The following AHCYL2 variants were observed in gnomAD, a reference collection of about 807,000 sequenced individuals.
The protein encoded by AHCYL2 is adenosylhomocysteinase like 2, also known as S-adenosylhomocysteine hydrolase-like protein 2.
A neutral mutation model predicts 81.4 loss-of-function variants in AHCYL2; 28 were observed. The ratio of observed to expected loss-of-function variants is 0.34; its 90% CI spans 0.25 to 0.47. AHCYL2 has a LOEUF of 0.47. Ranked by LOEUF, AHCYL2 falls within the 20% of genes least tolerant of loss-of-function variation. The pLI is 1.00. For missense variants in AHCYL2, 551 were observed against 785.1 expected, an observed-to-expected ratio of 0.70 and a Z score of 3.56; for synonymous variants, 272 against 290.2, an observed-to-expected ratio of 0.94 and a Z score of 0.64.
At position 129,379,741 on chromosome 7, in the gene AHCYL2, A is replaced by G; in HGVS notation, c.467A>G (p.Tyr156Cys). Residue 156 changes from tyrosine to cysteine, a missense_variant, in exon 2 of 17, where the codon TAC becomes TGC. By Grantham distance (194) the Tyr-to-Cys change is radical. Coordinates refer to ENST00000325006, the MANE Select transcript of AHCYL2 (RefSeq NM_015328.4). ...RSISQSSTDSYSSAASYTDSS... is the reference protein window; with the variant it reads ...RSISQSSTDSCSSAASYTDSS... The stretch of plus-strand genomic sequence containing the variant: ...ATTTCTCAGTCATCTACTGACAGCT[A>G]CAGCTCAGGTGAGTACTGAACTGCT... The G allele has an allele frequency of 6.2e-7, 1 of 1,613,928 alleles. No individual in the cohort carries two copies. Among genetic ancestry groups the G allele is most frequent in the Non-Finnish European group, 8.5e-7 (1 of 1,179,922 alleles).
chr7:129,329,469 A>G (rs904604154), intron 1 of AHCYL2, among the ~76,000 whole-genome samples: 1 of 152,336 alleles, frequency 6.6e-6, no homozygotes, highest in East Asian at 1.9e-4. Flanking sequence ...GGCATGAGCC[A>G]TGAGCCACCA....
intron 1 of AHCYL2, among the ~76,000 whole-genome samples, chr7:129,356,603 T>G (rs1793743054): frequency 6.6e-6 from 1 of 152,200 alleles, no homozygotes; most frequent in African/African-American, 2.4e-5. Flanking sequence ...GGGCATTATT[T>G]TGTCTACCAC....
chr7:129,244,581 C>T (rs540711447), intron 1 of AHCYL2, among the ~76,000 whole-genome samples: 1 of 152,316 alleles, frequency 6.6e-6, no homozygotes, highest in Non-Finnish European at 1.5e-5. Context: ...TGTGTCCTCA[C>T]TTGGGGGAAG....
intron 1 of AHCYL2, among the ~76,000 whole-genome samples, chr7:129,335,242 A>G (rs1335976073): frequency 6.6e-6 from 1 of 152,050 alleles, no homozygotes; most frequent in Non-Finnish European, 1.5e-5. Flanking sequence ...GCCTGGTGGC[A>G]CATGCCTGTA....
At chr7:129,246,694 A>G (rs1164077691) in intron 1 of AHCYL2, among the ~76,000 whole-genome samples, 2 of 151,966 alleles carry the variant, frequency 1.3e-5, no homozygotes, top group African/African-American at 2.4e-5. Context: ...ATGGGATATC[A>G]TCTTGTTGCC....
intron 1 of AHCYL2, among the ~76,000 whole-genome samples, chr7:129,305,777 G>C (rs1797419605): frequency 6.6e-6 from 1 of 152,176 alleles, no homozygotes; most frequent in Admixed American, 6.5e-5. Flanking sequence ...TATAAGACAG[G>C]TCTGGTGTTG....
intron 1 of AHCYL2, among the ~76,000 whole-genome samples, chr7:129,244,939 T>A (rs1394485992): frequency 6.6e-6 from 1 of 152,172 alleles, no homozygotes. Flanking sequence ...GTATTCCTTA[T>A]TTTAAACAGC....
At chr7:129,379,361 A>G (rs1794841286) in intron 1 of AHCYL2, among the ~76,000 whole-genome samples, 1 of 152,028 alleles carries the variant, frequency 6.6e-6, no homozygotes, top group Non-Finnish European at 1.5e-5. Context: ...TGCCAGACAC[A>G]GTGACACATG....
At chr7:129,315,259 G>A (rs551784587) in intron 1 of AHCYL2, among the ~76,000 whole-genome samples, 15 of 151,796 alleles carry the variant, frequency 9.9e-5, no homozygotes, top group Non-Finnish European at 1.8e-4. Context: ...TTTCTATAAC[G>A]TCTGCTCATT....
intron 1 of AHCYL2, among the ~76,000 whole-genome samples, chr7:129,282,554 T>G (rs1383291831): frequency 6.6e-6 from 1 of 152,186 alleles, no homozygotes; most frequent in African/African-American, 2.4e-5. Context: ...GAAGTTGGAT[T>G]TAGGCCTTAT....
chr7:129,367,416 AC>A (rs1444358413), intron 1 of AHCYL2, among the ~76,000 whole-genome samples: 2 of 152,170 alleles, frequency 1.3e-5, no homozygotes, highest in African/African-American at 4.8e-5. Context: ...AGGCTAGCTT[AC>A]CTTTTTTCTA....
intron 1 of AHCYL2, among the ~76,000 whole-genome samples, chr7:129,266,019 A>G (rs1167947551): frequency 6.6e-6 from 1 of 152,180 alleles, no homozygotes; most frequent in Non-Finnish European, 1.5e-5. Context: ...TAAGTATAAA[A>G]ACAATAGGGA....
At chr7:129,293,137 C>T (rs1447561132) in intron 1 of AHCYL2, among the ~76,000 whole-genome samples, 2 of 70,198 alleles carry the variant, frequency 2.8e-5, no homozygotes, top group African/African-American at 8.8e-5. Context: ...TCAGTGAAGA[C>T]AGAGTTTTTG....
At chr7:129,227,744 G>A (rs1469812914) in intron 1 of AHCYL2, among the ~76,000 whole-genome samples, 1 of 151,232 alleles carries the variant, frequency 6.6e-6, no homozygotes, top group African/African-American at 2.4e-5. Flanking sequence ...AGCACCAAAT[G>A]TATGTTCCAT....
At chr7:129,413,094 A>C (rs945072090) in intron 11 of AHCYL2, among the ~76,000 whole-genome samples, 2 of 150,362 alleles carry the variant, frequency 1.3e-5, no homozygotes, top group Non-Finnish European at 2.9e-5. Context: ...ATTCTGCCTC[A>C]GCCTCCCAAA....
chr7:129,387,906 C>G (rs936324701), intron 2 of AHCYL2, among the ~76,000 whole-genome samples: 2 of 152,134 alleles, frequency 1.3e-5, no homozygotes, highest in Non-Finnish European at 2.9e-5. Context: ...TTCTGAAGCC[C>G]CTGCTGCCCA....
chr7:129,233,551 G>A (rs1201601620), intron 1 of AHCYL2, among the ~76,000 whole-genome samples: 3 of 151,922 alleles, frequency 2.0e-5, no homozygotes, highest in East Asian at 1.9e-4. Flanking sequence ...GCAGTGGCGC[G>A]ATCTCCGCTC....
intron 1 of AHCYL2, among the ~76,000 whole-genome samples, chr7:129,289,421 T>C (rs777079968): frequency 6.6e-6 from 1 of 152,242 alleles, no homozygotes; most frequent in Non-Finnish European, 1.5e-5. Context: ...TTAGTAACTA[T>C]TGATGATTTT....
intron 12 of AHCYL2, among the ~76,000 whole-genome samples, chr7:129,417,126 G>A (rs1023916394): frequency 2.0e-5 from 3 of 152,050 alleles, no homozygotes; most frequent in African/African-American, 4.8e-5. Context: ...CCCTGACTCC[G>A]GCAAAAAAAA....
Sources: gnomAD v4.1 joint callset for allele counts (sites outside exome capture counted in the v4.1 genomes callset) on GRCh38, gnomAD v4.1.1 for gene constraint, MANE v1.5 for transcripts, NCBI Gene and HGNC (gene_info 2026-07-23, HGNC 2026-07-21) for gene names.